Variants in IL1RAP observed in about 807,000 individuals in gnomAD.
IL1RAP encodes the protein interleukin 1 receptor accessory protein, also known as interleukin-1 receptor accessory protein.
A neutral mutation model predicts 60.7 loss-of-function variants in IL1RAP; 35 were observed. The ratio of observed to expected loss-of-function variants is 0.58; its 90% CI spans 0.44 to 0.76. The LOEUF is 0.76. IL1RAP is among the 30% of genes least tolerant of loss of function. IL1RAP has a pLI of 0.00. For missense variants in IL1RAP, 572 were observed against 693.9 expected, an observed-to-expected ratio of 0.82 and a Z score of 1.97; for synonymous variants, 268 against 250.9, an observed-to-expected ratio of 1.07 and a Z score of -0.64.
At chr3:190,547,470 A>G (rs1724477299) in intron 1 of IL1RAP, among the ~76,000 whole-genome samples, 1 of 152,176 alleles carries the variant, frequency 6.6e-6, no homozygotes, top group Admixed American at 6.5e-5. Flanking sequence ...GTTAGTTCAT[A>G]AGGGGATTTT....
chr3:190,658,197 A>G (rs1217332612), exon 12 of IL1RAP: 1 of 152,160 alleles, frequency 6.6e-6, no homozygotes, highest in Non-Finnish European at 1.5e-5. Flanking sequence ...CAATTATGGG[A>G]TGGCTTAAAG....
intron 2 of IL1RAP, among the ~76,000 whole-genome samples, chr3:190,563,150 G>A (rs1726060643): frequency 6.6e-6 from 1 of 152,086 alleles, no homozygotes; most frequent in Admixed American, 6.5e-5. Context: ...GATGTTATAT[G>A]GTCATCTTAT....
At chr3:190,598,458 A>C (rs1306854819) in intron 3 of IL1RAP, among the ~76,000 whole-genome samples, 1 of 152,194 alleles carries the variant, frequency 6.6e-6, no homozygotes, top group Non-Finnish European at 1.5e-5. Context: ...ATGGTTTGAC[A>C]TAGAATGGGT....
intron 3 of IL1RAP, among the ~76,000 whole-genome samples, chr3:190,567,468 T>C (rs1227463309): frequency 6.6e-6 from 1 of 152,220 alleles, no homozygotes; most frequent in African/African-American, 2.4e-5. Context: ...ACTACCTTTG[T>C]TGGGTAAGAC....
intron 2 of IL1RAP, 141 bp downstream of exon 2, chr3:190,556,357 T>C (rs2108606529): frequency 6.6e-6 from 1 of 152,108 alleles, no homozygotes; most frequent in African/African-American, 2.4e-5. Flanking sequence ...ACACTAATTG[T>C]CATAATATAT....
At chr3:190,596,953 A>T (rs1729428507) in intron 3 of IL1RAP, among the ~76,000 whole-genome samples, 1 of 152,192 alleles carries the variant, frequency 6.6e-6, no homozygotes, top group South Asian at 2.1e-4. Context: ...TGTCTAGAGA[A>T]CTTAAAAACT....
intron 4 of IL1RAP, 126 bp from the exon 5 acceptor site, chr3:190,608,869 A>G: frequency 1.5e-6 from 1 of 648,758 alleles, no homozygotes; most frequent in Non-Finnish European, 2.6e-6. Context: ...TTTATCTCTT[A>G]CATGAACTTA....
chr3:190,656,624 G>A lies in IL1RAP; in HGVS notation c.*17G>A, dbSNP rs192756748. ...ATCCTATAATTACTGTGTGTGGTGG[G>A]TGGTGGCTACTATCTCTACCAACCC... On this transcript the variant is annotated 3_prime_UTR_variant, in exon 12 of 12. Transcript: ENST00000317757. The A allele has an allele frequency of 2.8e-6, 4 of 1,423,882 alleles. No homozygotes were observed. In the East Asian group the frequency reaches 7.5e-5, roughly 27 times the overall value. The allele number at this position is 1,423,882 out of a possible 1,614,324, so 88.2% of individuals were successfully genotyped here.
intron 9 of IL1RAP, among the ~76,000 whole-genome samples, chr3:190,642,948 CAACTA>C (rs1733764984): frequency 6.6e-6 from 1 of 152,136 alleles, no homozygotes; most frequent in Admixed American, 6.5e-5. Context: ...GCTAATAAAG[CAACTA>C]AATAAAATTG....
chr3:190,590,593 G>A (rs1035440073), intron 3 of IL1RAP, among the ~76,000 whole-genome samples: 9 of 152,144 alleles, frequency 5.9e-5, no homozygotes, highest in East Asian at 1.9e-4. Flanking sequence ...TATGGGCAGC[G>A]ATGCCATTTA....
intron 2 of IL1RAP, among the ~76,000 whole-genome samples, chr3:190,557,711 C>T (rs1432369030): frequency 6.6e-6 from 1 of 151,980 alleles, no homozygotes; most frequent in Non-Finnish European, 1.5e-5. Flanking sequence ...GTTAAAACAC[C>T]TTTCTTTAAA....
At chr3:190,634,707 G>GGTT (rs1733056075) in intron 9 of IL1RAP, among the ~76,000 whole-genome samples, 1 of 134,714 alleles carries the variant, frequency 7.4e-6, no homozygotes, top group Non-Finnish European at 1.6e-5. Context: ...GGCCTGTTGT[G>GGTT]TTTTTTTTTT....
intron 1 of IL1RAP, among the ~76,000 whole-genome samples, chr3:190,550,807 A>T (rs1432674225): frequency 6.6e-6 from 1 of 152,242 alleles, no homozygotes; most frequent in Non-Finnish European, 1.5e-5. Context: ...TTTAGAATTT[A>T]ATGACAAAGG....
At chr3:190,565,187 C>G (rs1035613655) in intron 3 of IL1RAP, among the ~76,000 whole-genome samples, 1 of 149,376 alleles carries the variant, frequency 6.7e-6, no homozygotes, top group South Asian at 2.1e-4. Flanking sequence ...AAGAAACAAA[C>G]AAACAAACAA....
At chr3:190,543,781 G>C (rs1184771864) in intron 1 of IL1RAP, among the ~76,000 whole-genome samples, 1 of 152,184 alleles carries the variant, frequency 6.6e-6, no homozygotes, top group African/African-American at 2.4e-5. Context: ...GGGTTGGAAA[G>C]AGAGCTTGCT....
At chr3:190,581,407 C>G (rs1368188232) in intron 3 of IL1RAP, among the ~76,000 whole-genome samples, 4 of 152,190 alleles carry the variant, frequency 2.6e-5, no homozygotes, top group Admixed American at 2.6e-4. Context: ...AAACCACACA[C>G]TTGGCAGGTA....
At position 190,629,731 on chromosome 3, in the gene IL1RAP, AT is replaced by A. The variant is rs1304689115; in HGVS notation, c.1051+234del. The A allele has an allele frequency of 3.2e-6, 4 of 1,239,586 alleles. No individual in the cohort carries two copies. In the African/African-American group the frequency reaches 4.7e-5, roughly 14 times the overall value. 76.8% of individuals were successfully genotyped at this position (1,239,586 alleles called of 1,614,324 possible). On this transcript the variant is annotated intron_variant, in intron 9 of 11. Coordinates refer to ENST00000447382, the MANE Select transcript of IL1RAP (RefSeq NM_002182.4). ...GTAATGCCCAAATGTAGCTAAAAAA[AT>A]CGACGTGAGTACAGTGAGACACAAT...
intron 1 of IL1RAP, among the ~76,000 whole-genome samples, chr3:190,523,399 C>G (rs936906948): frequency 6.6e-6 from 1 of 151,994 alleles, no homozygotes; most frequent in Admixed American, 6.6e-5. Context: ...TTCAGGGGTA[C>G]ATGTGCAGGT....
intron 3 of IL1RAP, among the ~76,000 whole-genome samples, chr3:190,583,970 A>C (rs990136408): frequency 2.6e-5 from 4 of 152,154 alleles, no homozygotes; most frequent in African/African-American, 9.7e-5. Flanking sequence ...AATGCATACA[A>C]CCATGTAAAA....
Sources: allele counts gnomAD v4.1 joint callset (sites outside exome capture counted in the v4.1 genomes callset), GRCh38; gene constraint gnomAD v4.1.1; transcripts MANE v1.5; gene names NCBI Gene and HGNC (gene_info 2026-07-23, HGNC 2026-07-21).